The following ZNF644 variants were observed in gnomAD, a reference collection of about 807,000 sequenced individuals.
The protein encoded by ZNF644 is zinc finger protein 644, also known as zinc finger motif enhancer binding protein 2.
A neutral mutation model predicts 108.0 loss-of-function variants in ZNF644; 20 were observed. The ratio of observed to expected loss-of-function variants is 0.19; its 90% CI spans 0.13 to 0.27. The LOEUF (loss-of-function observed/expected upper bound fraction) is 0.27. ZNF644 is among the 10% of genes least tolerant of loss of function. ZNF644 has a pLI of 1.00. For synonymous variants in ZNF644, 542 were observed against 539.1 expected (o/e 1.01, Z -0.08); for missense variants, 1,338 against 1,548.9 (o/e 0.86, Z 2.29).
chr1:90,999,659 A>G (rs1658550772), intron 1 of ZNF644, among the ~76,000 whole-genome samples: 1 of 152,210 alleles, frequency 6.6e-6, no homozygotes, highest in Non-Finnish European at 1.5e-5. Flanking sequence ...CTAACATCAT[A>G]ATGACAGGCT....
intron 2 of ZNF644, among the ~76,000 whole-genome samples, chr1:90,957,102 A>G (rs1315686506): frequency 6.6e-6 from 1 of 152,110 alleles, no homozygotes. Context: ...TGAAGTCAAG[A>G]AGAAATAGAA....
intron 1 of ZNF644, among the ~76,000 whole-genome samples, chr1:91,010,635 T>A (rs1278126978): frequency 6.6e-6 from 1 of 152,170 alleles, no homozygotes; most frequent in Non-Finnish European, 1.5e-5. Flanking sequence ...AAAAGCTTTA[T>A]TAATCTTATT....
intron 2 of ZNF644, among the ~76,000 whole-genome samples, chr1:90,965,810 CATG>C (rs1330051274): frequency 6.6e-6 from 1 of 152,106 alleles, no homozygotes; most frequent in Non-Finnish European, 1.5e-5. Flanking sequence ...AACGCAGTGG[CATG>C]ATCTCGGCTC....
intron 4 of ZNF644, among the ~76,000 whole-genome samples, chr1:90,925,737 A>G (rs1649958206): frequency 6.6e-6 from 1 of 152,202 alleles, no homozygotes; most frequent in Non-Finnish European, 1.5e-5. Flanking sequence ...ACCAATGAGC[A>G]GCAAAAAACA....
intron 2 of ZNF644, among the ~76,000 whole-genome samples, chr1:90,954,168 TTGATAGCATC>T (rs1050230066): frequency 6.6e-6 from 1 of 152,220 alleles, no homozygotes; most frequent in African/African-American, 2.4e-5. Context: ...TGCAATGATG[TTGATAGCATC>T]TTACCCACAG....
intron 1 of ZNF644, among the ~76,000 whole-genome samples, chr1:91,014,902 C>T (rs1660301858): frequency 6.6e-6 from 1 of 152,046 alleles, no homozygotes; most frequent in Non-Finnish European, 1.5e-5. Context: ...CAAGATATAC[C>T]TAGGTTCAAA....
At chr1:90,930,944 A>G (rs1158192750) in intron 4 of ZNF644, among the ~76,000 whole-genome samples, 1 of 152,176 alleles carries the variant, frequency 6.6e-6, no homozygotes, top group African/African-American at 2.4e-5. Flanking sequence ...ACCTCAAAAT[A>G]TATTTTTTTT....
At chr1:91,020,919 T>G (rs562814759) in intron 1 of ZNF644, 1 of 152,238 alleles carries the variant, frequency 6.6e-6, no homozygotes, top group Non-Finnish European at 1.5e-5. Flanking sequence ...CTCGTTGAGT[T>G]TGATGATCAC....
In ZNF644 at chr1:90,953,040, G is replaced by A. The variant is rs937108075; in HGVS notation, c.45-11731C>T. 4.1e-5 allele frequency among the ~76,000 whole-genome samples: 6 copies of A among 145,848 alleles called. 1 individual carries two copies. In the East Asian group the frequency reaches 5.9e-4, roughly 14 times the overall value. On this transcript the variant is annotated intron_variant, in intron 2 of 5. Transcript: ENST00000337393. Reference sequence around the variant, plus strand: ...AAAAAAAAAAAAAAAAGCAGCTCCCGATGTCCAAGAGCTAATCTCATGCTA... The same window carrying A: ...AAAAAAAAAAAAAAAAGCAGCTCCCAATGTCCAAGAGCTAATCTCATGCTA...
chr1:90,999,768 T>A (rs1188272873), intron 1 of ZNF644, among the ~76,000 whole-genome samples: 1 of 152,128 alleles, frequency 6.6e-6, no homozygotes, highest in Non-Finnish European at 1.5e-5. Flanking sequence ...TCAAGACCCA[T>A]CAGTGTGCTG....
intron 1 of ZNF644, among the ~76,000 whole-genome samples, chr1:91,012,783 T>C (rs999068218): frequency 2.0e-5 from 3 of 152,210 alleles, no homozygotes; most frequent in Admixed American, 6.5e-5. Context: ...GGTATACTTA[T>C]ATGTATAAAT....
chr1:90,956,060 A>G (rs1357939963), intron 2 of ZNF644, among the ~76,000 whole-genome samples: 1 of 152,204 alleles, frequency 6.6e-6, no homozygotes, highest in Non-Finnish European at 1.5e-5. Flanking sequence ...TGGAATAGGG[A>G]GGCCCAAGGA....
intron 2 of ZNF644, among the ~76,000 whole-genome samples, chr1:90,976,916 A>T (rs1656069417): frequency 6.6e-6 from 1 of 152,204 alleles, no homozygotes; most frequent in South Asian, 2.1e-4. Context: ...ACTATTAAAA[A>T]ATACCAAAAT....
At chr1:90,955,931 A>C (rs1653710478) in intron 2 of ZNF644, among the ~76,000 whole-genome samples, 1 of 152,162 alleles carries the variant, frequency 6.6e-6, no homozygotes, top group African/African-American at 2.4e-5. Context: ...TTCCTCACTA[A>C]GCTTAATTCT....
intron 1 of ZNF644, among the ~76,000 whole-genome samples, chr1:90,998,365 G>A (rs1658392145): frequency 1.3e-5 from 2 of 152,168 alleles, no homozygotes; most frequent in Admixed American, 6.5e-5. Context: ...AGAATGATCA[G>A]GCAGCAACAT....
chr1:90,979,946 T>C (rs1656381670), intron 2 of ZNF644, among the ~76,000 whole-genome samples: 2 of 152,314 alleles, frequency 1.3e-5, no homozygotes, highest in African/African-American at 4.8e-5. Flanking sequence ...GGAAATATTT[T>C]ATTTCTCTTT....
intron 2 of ZNF644, among the ~76,000 whole-genome samples, chr1:90,981,489 TAACA>T (rs1298618474): frequency 6.7e-6 from 1 of 148,286 alleles, no homozygotes; most frequent in Non-Finnish European, 1.5e-5. Context: ...TTTTTTTCTT[TAACA>T]AACATTGAGA....
At chr1:91,007,923 G>A (rs1257735022) in intron 1 of ZNF644, among the ~76,000 whole-genome samples, 2 of 152,054 alleles carry the variant, frequency 1.3e-5, no homozygotes. Flanking sequence ...AGTTGCCTAG[G>A]GATTCTGTCT....
chr1:90,950,305 GGGACAAAAGA>G (rs1652978653), intron 2 of ZNF644, among the ~76,000 whole-genome samples: 1 of 46,630 alleles, frequency 2.1e-5, no homozygotes, highest in African/African-American at 9.1e-5. Flanking sequence ...GGGAGGGGAG[GGGACAAAAGA>G]AAAGAAAACA....
Sources: allele counts gnomAD v4.1 joint callset (sites outside exome capture counted in the v4.1 genomes callset), GRCh38; gene constraint gnomAD v4.1.1; transcripts MANE v1.5; gene names NCBI Gene and HGNC (gene_info 2026-07-23, HGNC 2026-07-21).